The following ULBP2 variants were observed in gnomAD, a reference collection of about 807,000 sequenced individuals.
ULBP2 encodes UL16-binding protein 2.
A neutral mutation model predicts 23.6 loss-of-function variants in ULBP2; 21 were observed. The ratio of observed to expected loss-of-function variants is 0.89; its 90% CI spans 0.63 to 1.28. ULBP2 has a LOEUF of 1.28. Among genes scored for constraint, ULBP2 ranks in the 50% most tolerant of loss-of-function variants. The pLI is 0.00. For missense variants in ULBP2, 251 were observed against 306.0 expected (o/e 0.82, Z 1.34); for synonymous variants, 82 against 112.8 (o/e 0.73, Z 1.73).
rs115974291 is a variant in ULBP2 at position 149,946,753 on chromosome 6, A to G, written c.631+100A>G. On this transcript the variant is annotated intron_variant, in intron 3 of 4. Transcript: ENST00000367351. ...CAGCTTCAATCATCCCAGTATACAC[A>G]TTCACGTTAAAATGACCTCCTCGTG... is the stretch of plus-strand genomic sequence containing the variant. The G allele has an allele frequency of 2.1e-3, 3,315 of 1,555,564 alleles. 32 individuals are homozygous for G. In the African/African-American group the frequency reaches 0.038, roughly 18 times the overall value.
At chr6:149,946,709 A>T (rs764708831) in intron 3 of ULBP2, 56 bp downstream of exon 3, 1 of 1,601,700 alleles carries the variant, frequency 6.2e-7, no homozygotes, top group Non-Finnish European at 8.5e-7. Flanking sequence ...GGTGACCTCA[A>T]GAAGTTAGTT....
rs1343476148 is a variant in ULBP2, at chr6:149,947,265, T to A, written c.632-55T>A. On this transcript the variant is annotated intron_variant, in intron 3 of 4. Coordinates refer to ENST00000367351, the MANE Select transcript of ULBP2 (RefSeq NM_025217.4). Reference sequence around the variant, plus strand: ...TAGGGTGGCAGGAACTGAGGAGGTGTCTCCTCAGATTTGGGGCCTGGACAA... The same window carrying A: ...TAGGGTGGCAGGAACTGAGGAGGTGACTCCTCAGATTTGGGGCCTGGACAA... The A allele has an allele frequency of 5.7e-6, 7 of 1,231,018 alleles. No individual in the cohort carries two copies. In the Admixed American group the frequency reaches 6.4e-5, roughly 11 times the overall value. The allele number at this position is 1,231,018 out of a possible 1,614,324, so 76.3% of individuals were successfully genotyped here.
Position 149,948,847 on chromosome 6 carries a change from T to C in ULBP2, c.*147T>C, listed in dbSNP as rs1036226250. 6.7e-6 allele frequency: 3 copies of C among 448,718 alleles called. No individual in the cohort carries two copies. Among genetic ancestry groups the C allele is most frequent in the Non-Finnish European group, 1.3e-5 (3 of 222,784 alleles). The allele number at this position is 448,718 out of a possible 1,614,324, so 27.8% of individuals were successfully genotyped here. ...CCTCCAGCAGATCATGATGACATCA[T>C]GGACCCAATAGCTCATTCACTGCCT... On this transcript the variant is annotated 3_prime_UTR_variant, in exon 5 of 5. Coordinates refer to ENST00000367351, the MANE Select transcript of ULBP2 (RefSeq NM_025217.4).
intron 1 of ULBP2, among the ~76,000 whole-genome samples, chr6:149,943,407 C>T (rs1350876419): frequency 6.6e-6 from 1 of 151,778 alleles, no homozygotes; most frequent in Non-Finnish European, 1.5e-5. Context: ...GAGTGGCATC[C>T]ACGGGGACCA....
chr6:149,946,371 G>C lies in ULBP2; in HGVS notation c.350-1G>C, dbSNP rs762714436. On this transcript the variant is annotated splice_acceptor_variant, in intron 2 of 4. Transcript: ENST00000367351. LOFTEE classifies it high-confidence loss of function. The stretch of plus-strand genomic sequence containing the variant: ...AGCTGATCTCTCTCTGATGGGGGCA[G>C]AACCCCTCACCCTGCAGGCAAGGAT... 3 of 1,612,274 alleles carry C rather than the reference G, an allele frequency of 1.9e-6. No individual in the cohort carries two copies. The highest frequency in any genetic ancestry group is 2.5e-6 in the Non-Finnish European group (3 of 1,178,650).
rs1000847299 is a variant in ULBP2, at chr6:149,948,872, T to C, written c.*172T>C. ...TGGACCCAATAGCTCATTCACTGCCTTGATTCCTTTTGCCAACAATTTTAC... is the reference window on the plus strand; with the variant it reads ...TGGACCCAATAGCTCATTCACTGCCCTGATTCCTTTTGCCAACAATTTTAC... On this transcript the variant is annotated 3_prime_UTR_variant, in exon 5 of 5. Coordinates refer to ENST00000367351, the MANE Select transcript of ULBP2 (RefSeq NM_025217.4). 25 of 401,496 alleles carry C rather than the reference T, an allele frequency of 6.2e-5. No homozygotes were observed. Among genetic ancestry groups the C allele is most frequent in the African/African-American group, 4.8e-4 (23 of 48,166 alleles). 24.9% of individuals were successfully genotyped at this position (401,496 alleles called of 1,614,324 possible). A position where few individuals can be genotyped will look rare whatever the true frequency, so the allele number is the denominator to read the frequency against.
In ULBP2 at chr6:149,945,458, A is replaced by G. The variant is rs1158345759; in HGVS notation, c.235A>G (p.Lys79Glu). Residue 79 changes from lysine (K) to glutamate (E), a missense_variant, in exon 2 of 5, where the codon AAG becomes GAG. Transcript: ENST00000367351. ...AGTCACACCTGTCAGTCCCCTGGGG[A>G]AGAAACTAAATGTCACAACGGCCTG... ...KTVTPVSPLG[K>E]KLNVTTAWKA... is the part of the protein sequence containing the mutation. 2.5e-6 allele frequency: 4 copies of G among 1,614,022 alleles called. No individual in the cohort carries two copies. The highest frequency in any genetic ancestry group is 3.4e-6 in the Non-Finnish European group (4 of 1,179,886).
At chr6:149,943,494 T>C (rs1463004922) in intron 1 of ULBP2, among the ~76,000 whole-genome samples, 1 of 152,170 alleles carries the variant, frequency 6.6e-6, no homozygotes, top group Admixed American at 6.5e-5. Context: ...GGGGATCGGG[T>C]CCAACTGCTT....
rs575357738 is a variant in ULBP2, at chr6:149,947,686, C to T, written c.*22+235C>T. Among the ~76,000 whole-genome samples the T allele has an allele frequency of 4.8e-4, 73 of 152,206 alleles. No individual in the cohort carries two copies. In the South Asian group the frequency reaches 0.013, roughly 27 times the overall value. On this transcript the variant is annotated intron_variant, in intron 4 of 4. Transcript: ENST00000367351. ...CAGAGTCCAGAGGGAAAGGGAGGGG[C>T]CCATACCAAGGCTCAGGGTCTGTTG...
At chr6:149,946,761 T>C in intron 3 of ULBP2, 108 bp downstream of exon 3, 3 of 1,545,056 alleles carry the variant, frequency 1.9e-6, no homozygotes, top group South Asian at 2.5e-5. Context: ...ACATTCACGT[T>C]AAAATGACCT....
chr6:149,944,406 C>T (rs971399544), intron 1 of ULBP2, among the ~76,000 whole-genome samples: 2 of 149,564 alleles, frequency 1.3e-5, no homozygotes, highest in East Asian at 2.0e-4. Flanking sequence ...TCATTGCACC[C>T]TCCTTGCTCC....
chr6:149,943,550 A>C (rs146774418), intron 1 of ULBP2, among the ~76,000 whole-genome samples: 2,228 of 152,216 alleles, frequency 0.015, 67 homozygotes, highest in African/African-American at 0.051. Context: ...CCCATCCCAG[A>C]AGAACCACCT....
intron 1 of ULBP2, among the ~76,000 whole-genome samples, chr6:149,944,101 G>T (rs1235390995): frequency 2.0e-5 from 3 of 151,870 alleles, no homozygotes; most frequent in Non-Finnish European, 4.4e-5. Context: ...TGGCTGCAGG[G>T]TTAAAGGGTC....
rs758097098 is a variant in ULBP2 at position 149,946,656 on chromosome 6, A to T, written c.631+3A>T. Reference sequence around the variant, plus strand: ...CACCCTGGAGCCAAGTGCAGGAGGTAACAGGAGAAAAAGAAACGGGGATCT... The same window carrying T: ...CACCCTGGAGCCAAGTGCAGGAGGTTACAGGAGAAAAAGAAACGGGGATCT... On this transcript the variant is annotated splice_donor_region_variant and intron_variant, in intron 3 of 4. Coordinates refer to ENST00000367351, the MANE Select transcript of ULBP2 (RefSeq NM_025217.4). The T allele has an allele frequency of 1.2e-6, 2 of 1,612,800 alleles. No individual in the cohort carries two copies. The highest frequency in any genetic ancestry group is 1.3e-5 in the African/African-American group (1 of 74,874).
chr6:149,942,437 G>C (rs1332695797), intron 1 of ULBP2, among the ~76,000 whole-genome samples: 1 of 152,122 alleles, frequency 6.6e-6, no homozygotes, highest in Non-Finnish European at 1.5e-5. Flanking sequence ...GGGGATCCCT[G>C]GTGCAGCCTG....
rs55923313 is a variant in ULBP2 at position 149,945,724 on chromosome 6, C to G, written c.349+152C>G. The G allele has an allele frequency of 9.4e-3, 13,999 of 1,486,024 alleles. 721 individuals carry two copies. The African/African-American group carries it at 0.15, about 15-fold the overall frequency. 92.1% of individuals were successfully genotyped at this position (1,486,024 alleles called of 1,614,324 possible). A position where few individuals can be genotyped will look rare whatever the true frequency, so the allele number is the denominator to read the frequency against. On this transcript the variant is annotated intron_variant, in intron 2 of 4. Transcript: ENST00000367351. ...TTGTGAGGTAGAGGTGGGCCGATCACAAGGTCAGGAATTCGAGACCAGCCT... is the reference window on the plus strand; with the variant it reads ...TTGTGAGGTAGAGGTGGGCCGATCAGAAGGTCAGGAATTCGAGACCAGCCT...
intron 1 of ULBP2, among the ~76,000 whole-genome samples, chr6:149,942,959 C>G (rs905020064): frequency 2.0e-5 from 3 of 152,168 alleles, no homozygotes; most frequent in African/African-American, 7.2e-5. Context: ...TAGAGGCACC[C>G]ACTTCTGCCC....
At chr6:149,943,272 T>G (rs1246657658) in intron 1 of ULBP2, among the ~76,000 whole-genome samples, 1 of 152,072 alleles carries the variant, frequency 6.6e-6, no homozygotes, top group Non-Finnish European at 1.5e-5. Context: ...CATCTCCAAG[T>G]GATGTCTCTG....
intron 3 of ULBP2, among the ~76,000 whole-genome samples, chr6:149,946,904 T>C (rs566284890): frequency 5.3e-5 from 8 of 152,162 alleles, no homozygotes; most frequent in Non-Finnish European, 1.0e-4. Flanking sequence ...TCACCAGCCT[T>C]GAAACTGCAG....
Sources: allele counts gnomAD v4.1 joint callset (sites outside exome capture counted in the v4.1 genomes callset), GRCh38; gene constraint gnomAD v4.1.1; transcripts MANE v1.5; gene names NCBI Gene and HGNC (gene_info 2026-07-23, HGNC 2026-07-21).